The following DCLK1 variants were observed in gnomAD, a reference collection of about 807,000 sequenced individuals.
The protein encoded by DCLK1 is doublecortin like kinase 1.
DCLK1 carries 16 observed loss-of-function variants against 86.2 expected under a neutral mutation model. The ratio of observed to expected loss-of-function variants is 0.19; its 90% confidence interval spans 0.13 to 0.28. The LOEUF is 0.28. Among genes scored for constraint, DCLK1 ranks in the 10% least tolerant of loss-of-function variants. The probability of loss-of-function intolerance (pLI) is 1.00; values close to 1 mark genes in which losing one functional copy is unlikely to be tolerated. For synonymous variants in DCLK1, 369 were observed against 370.5 expected (o/e 1.00, Z 0.05); for missense variants, 590 against 940.2 (o/e 0.63, Z 4.87).
chr13:35,993,949 G>C (rs1880362084), intron 3 of DCLK1, among the ~76,000 whole-genome samples: 1 of 152,080 alleles, frequency 6.6e-6, no homozygotes, highest in African/African-American at 2.4e-5. Context: ...TGAAAGGCAG[G>C]AGTGAGGGAA....
At chr13:35,987,286 A>G (rs1209741287) in intron 3 of DCLK1, among the ~76,000 whole-genome samples, 1 of 152,118 alleles carries the variant, frequency 6.6e-6, no homozygotes, top group East Asian at 1.9e-4. Flanking sequence ...TTTGCCAGGC[A>G]TAGTGGTGCA....
intron 2 of DCLK1, among the ~76,000 whole-genome samples, chr13:36,119,676 A>T (rs946642788): frequency 1.3e-5 from 2 of 152,324 alleles, no homozygotes; most frequent in South Asian, 4.1e-4. Flanking sequence ...ACTGTGGGAC[A>T]TTCTACAAGA....
intron 5 of DCLK1, among the ~76,000 whole-genome samples, chr13:35,868,429 G>C (rs1161114022): frequency 6.6e-6 from 1 of 152,122 alleles, no homozygotes; most frequent in African/African-American, 2.4e-5. Flanking sequence ...AAACACATAA[G>C]AATTTGGCTA....
chr13:35,953,643 G>A (rs1158926833), intron 3 of DCLK1, among the ~76,000 whole-genome samples: 5 of 152,168 alleles, frequency 3.3e-5, no homozygotes, highest in Non-Finnish European at 5.9e-5. Flanking sequence ...TCTCCTCTGA[G>A]CTTCCGGCCT....
At position 36,066,983 on chromosome 13, in the gene DCLK1, T is replaced by C. The variant is rs537029335; in HGVS notation, c.723+44886A>G. Among the ~76,000 whole-genome samples the C allele has an allele frequency of 2.9e-3, 426 of 147,192 alleles. 2 individuals are homozygous for C. Among genetic ancestry groups the C allele is most frequent in the African/African-American group, 0.01 (406 of 39,802 alleles). On this transcript the variant is annotated intron_variant, in intron 3 of 16. Transcript: ENST00000360631. ...TGGGACTGTAAACTAGCTCAACCAT[T>C]GTGGAAGTCAGTGTGGCGATTCCTC...
Position 35,769,428 on chromosome 13 carries a change from G to A in DCLK1, c.*5107C>T, listed in dbSNP as rs1452455252. 1 of 152,042 alleles carries A rather than the reference G, an allele frequency of 6.6e-6. No homozygotes were observed. 9.4% of individuals were successfully genotyped at this position (152,042 alleles called of 1,614,324 possible). On this transcript the variant is annotated 3_prime_UTR_variant, in exon 17 of 17. Coordinates refer to ENST00000360631, the MANE Select transcript of DCLK1 (RefSeq NM_001330071.2). Reference sequence around the variant, plus strand: ...TCCTTTAATAATTTTCTTTCAGCCAGAATGAAAAAGGCTAGTATTAATTTC... The same window carrying A: ...TCCTTTAATAATTTTCTTTCAGCCAAAATGAAAAAGGCTAGTATTAATTTC...
At chr13:35,846,183 C>A in intron 6 of DCLK1, 1 of 985,224 alleles carries the variant, frequency 1.0e-6, no homozygotes, top group Non-Finnish European at 1.2e-6. Context: ...AGAGAATACA[C>A]ATCCAATCAA....
intron 11 of DCLK1, among the ~76,000 whole-genome samples, chr13:35,812,519 T>C (rs2087169347): frequency 6.6e-6 from 1 of 152,220 alleles, no homozygotes; most frequent in African/African-American, 2.4e-5. Flanking sequence ...CACGTCTGCC[T>C]TCCTTTGGAA....
intron 11 of DCLK1, among the ~76,000 whole-genome samples, chr13:35,820,535 T>A (rs2153104610): frequency 6.6e-6 from 1 of 152,256 alleles, no homozygotes; most frequent in East Asian, 1.9e-4. Context: ...CAGAAAGAGA[T>A]AACACTTCAG....
chr13:35,954,233 A>T (rs1401172773), intron 3 of DCLK1, among the ~76,000 whole-genome samples: 1 of 152,042 alleles, frequency 6.6e-6, no homozygotes, highest in Non-Finnish European at 1.5e-5. Context: ...AAAAAAATCT[A>T]GTTACCTATG....
chr13:35,996,398 C>T (rs987916951), intron 3 of DCLK1, among the ~76,000 whole-genome samples: 10 of 152,192 alleles, frequency 6.6e-5, no homozygotes, highest in South Asian at 4.1e-4. Context: ...GGCTGGGCCA[C>T]GGGGCCCAGG....
At chr13:35,834,007 G>C (rs1427308881) in intron 8 of DCLK1, among the ~76,000 whole-genome samples, 2 of 152,160 alleles carry the variant, frequency 1.3e-5, no homozygotes, top group Non-Finnish European at 2.9e-5. Context: ...TCTATTGTGA[G>C]AAGGCCAGTC....
intron 1 of DCLK1, among the ~76,000 whole-genome samples, chr13:36,130,705 A>G (rs1004183081): frequency 1.3e-5 from 2 of 151,820 alleles, no homozygotes; most frequent in Non-Finnish European, 2.9e-5. Context: ...CACACACACA[A>G]TAAGAGGCCG....
intron 4 of DCLK1, among the ~76,000 whole-genome samples, chr13:35,934,851 G>T (rs1350543644): frequency 6.6e-6 from 1 of 151,958 alleles, no homozygotes; most frequent in Non-Finnish European, 1.5e-5. Context: ...ACACTGCAGA[G>T]GTTTCCTGAT....
chr13:36,125,309 T>C (rs1308355707), intron 2 of DCLK1, among the ~76,000 whole-genome samples: 4 of 152,176 alleles, frequency 2.6e-5, no homozygotes, highest in African/African-American at 9.7e-5. Flanking sequence ...GTCCTTAGAC[T>C]CCAAAGATAA....
At chr13:35,875,550 A>C (rs2153115480) in intron 4 of DCLK1, among the ~76,000 whole-genome samples, 1 of 152,308 alleles carries the variant, frequency 6.6e-6, no homozygotes, top group South Asian at 2.1e-4. Flanking sequence ...TATTTCTGTG[A>C]GGCAGCTCTT....
intron 16 of DCLK1, among the ~76,000 whole-genome samples, chr13:35,781,437 C>A (rs2086523535): frequency 6.6e-6 from 1 of 152,190 alleles, no homozygotes; most frequent in Non-Finnish European, 1.5e-5. Context: ...CATCAATCTA[C>A]TTAATGGGTT....
chr13:35,931,815 G>A (rs900482254), intron 4 of DCLK1, among the ~76,000 whole-genome samples: 6 of 152,170 alleles, frequency 3.9e-5, no homozygotes, highest in Admixed American at 3.9e-4. Context: ...TATTTCCTGA[G>A]CTGTTACTAC....
chr13:35,775,825 A>G (rs1203911194), intron 16 of DCLK1, among the ~76,000 whole-genome samples: 3 of 152,256 alleles, frequency 2.0e-5, no homozygotes, highest in Non-Finnish European at 4.4e-5. Flanking sequence ...TTCTGAGAAC[A>G]AAGTGAAAAC....
Sources: allele counts gnomAD v4.1 joint callset (sites outside exome capture counted in the v4.1 genomes callset), GRCh38; gene constraint gnomAD v4.1.1; transcripts MANE v1.5; gene names NCBI Gene and HGNC (gene_info 2026-07-23, HGNC 2026-07-21).